GRM8: variants seen among roughly 807,000 people sequenced by gnomAD.
The protein encoded by GRM8 is glutamate metabotropic receptor 8, also known as metabotropic glutamate receptor 8.
In GRM8, 47 loss-of-function variants were observed where a neutral mutation model predicts 87.2. The ratio of observed to expected loss-of-function variants is 0.54; its 90% CI spans 0.43 to 0.69. GRM8 has a LOEUF of 0.69. Among genes scored for constraint, GRM8 ranks in the 30% least tolerant of loss-of-function variants. The pLI, the probability that GRM8 is intolerant of heterozygous loss-of-function variation, is 0.00. For missense variants in GRM8, 1,019 were observed against 1,139.2 expected (o/e 0.89, Z 1.52); for synonymous variants, 396 against 404.5 (o/e 0.98, Z 0.25).
chr7:127,232,183 T>TGTGTGTGTGTGTGTGTGTGTGTG (rs1797724452), intron 2 of GRM8, among the ~76,000 whole-genome samples: 1 of 129,754 alleles, frequency 7.7e-6, no homozygotes, highest in Non-Finnish European at 1.6e-5. Flanking sequence ...TGTTTCTTCT[T>TGTGTGTGTGTGTGTGTGTGTGTG]TGTGTGTGTG....
At chr7:127,150,371 G>A (rs1391386451) in intron 2 of GRM8, among the ~76,000 whole-genome samples, 1 of 152,072 alleles carries the variant, frequency 6.6e-6, no homozygotes, top group Non-Finnish European at 1.5e-5. Flanking sequence ...TGGAACAGGA[G>A]CACATGGACA....
intron 6 of GRM8, among the ~76,000 whole-genome samples, chr7:126,861,496 T>C (rs1040799331): frequency 6.6e-6 from 1 of 152,060 alleles, no homozygotes; most frequent in African/African-American, 2.4e-5. Flanking sequence ...TTTGACCAAT[T>C]TATTCTCCCA....
At chr7:126,953,659 A>T (rs1808382706) in intron 3 of GRM8, among the ~76,000 whole-genome samples, 2 of 152,026 alleles carry the variant, frequency 1.3e-5, no homozygotes, top group Admixed American at 1.3e-4. Context: ...TGTCAGAAGG[A>T]GAGCTATCAA....
chr7:126,673,794 G>A (rs978241851), intron 7 of GRM8, among the ~76,000 whole-genome samples: 2 of 152,118 alleles, frequency 1.3e-5, no homozygotes, highest in Non-Finnish European at 2.9e-5. Context: ...AAAAGTTAAG[G>A]AGATAGTGGG....
intron 7 of GRM8, among the ~76,000 whole-genome samples, chr7:126,768,972 T>C (rs1818537458): frequency 6.7e-6 from 1 of 150,244 alleles, no homozygotes; most frequent in African/African-American, 2.5e-5. Context: ...GAATTCTAAA[T>C]TGAAGATGAC....
At chr7:127,205,674 G>A (rs952909922) in intron 2 of GRM8, among the ~76,000 whole-genome samples, 1 of 152,114 alleles carries the variant, frequency 6.6e-6, no homozygotes. Context: ...CTATGGCAGG[G>A]TAGAGAGAGA....
intron 2 of GRM8, among the ~76,000 whole-genome samples, chr7:127,198,669 ATTTTT>A (rs113555701): frequency 6.9e-6 from 1 of 144,548 alleles, no homozygotes; most frequent in African/African-American, 2.5e-5. Flanking sequence ...ATAGAAATGA[ATTTTT>A]TTTTTTTTTA....
intron 3 of GRM8, among the ~76,000 whole-genome samples, chr7:126,915,348 C>T (rs1376178802): frequency 6.6e-6 from 1 of 152,184 alleles, no homozygotes; most frequent in Non-Finnish European, 1.5e-5. Context: ...TCAGAAAACA[C>T]CTGCTAGTTG....
chr7:126,660,516 TCTCA>T (rs1433570668), intron 7 of GRM8, among the ~76,000 whole-genome samples: 1 of 152,168 alleles, frequency 6.6e-6, no homozygotes, highest in Non-Finnish European at 1.5e-5. Flanking sequence ...ACATATTGTG[TCTCA>T]CTAATTTTAT....
intron 6 of GRM8, among the ~76,000 whole-genome samples, chr7:126,799,346 C>CA (rs1822377695): frequency 1.3e-5 from 2 of 152,022 alleles, no homozygotes; most frequent in African/African-American, 4.8e-5. Context: ...AACAAACATC[C>CA]CACGTGAGAC....
intron 2 of GRM8, among the ~76,000 whole-genome samples, chr7:127,201,640 C>T (rs1795614056): frequency 1.3e-5 from 2 of 152,086 alleles, no homozygotes; most frequent in South Asian, 2.1e-4. Context: ...GCAAAATTTT[C>T]CTAACTTTGA....
intron 8 of GRM8, among the ~76,000 whole-genome samples, chr7:126,579,579 A>G (rs1795421182): frequency 6.6e-6 from 1 of 152,176 alleles, no homozygotes; most frequent in Non-Finnish European, 1.5e-5. Context: ...CAGGCAGAAC[A>G]TGTCATCATT....
At chr7:127,044,404 G>A (rs999065299) in intron 3 of GRM8, among the ~76,000 whole-genome samples, 2 of 152,088 alleles carry the variant, frequency 1.3e-5, no homozygotes, top group Non-Finnish European at 2.9e-5. Flanking sequence ...TTAGAAAGAT[G>A]CATCTACTTT....
rs1793354410 is a variant in GRM8, at chr7:126,812,091, TAACCA to T, written c.1157-42031_1157-42027del. Among the ~76,000 whole-genome samples the T allele has an allele frequency of 2.6e-5, 4 of 152,050 alleles. No homozygotes were observed. The South Asian group carries it at 8.3e-4, about 32-fold the overall frequency. On this transcript the variant is annotated intron_variant, in intron 6 of 10. Coordinates refer to ENST00000339582, the MANE Select transcript of GRM8 (RefSeq NM_000845.3). ...TTCGCCACTATGCAATATATCCATG[TAACCA>T]AATTACACTTGTACCCCATAAATTT...
intron 3 of GRM8, among the ~76,000 whole-genome samples, chr7:126,934,027 G>T (rs1053737335): frequency 3.9e-5 from 6 of 152,088 alleles, no homozygotes; most frequent in Non-Finnish European, 7.4e-5. Context: ...TGTTCCTTTT[G>T]TATGCCCCAC....
chr7:126,471,765 T>A (rs1805280135), intron 9 of GRM8, among the ~76,000 whole-genome samples: 4 of 151,926 alleles, frequency 2.6e-5, no homozygotes, highest in Admixed American at 1.3e-4. Flanking sequence ...GCATTGAATC[T>A]ATAAATTACC....
chr7:126,907,422 G>A (rs1181725111), intron 3 of GRM8, among the ~76,000 whole-genome samples: 2 of 152,134 alleles, frequency 1.3e-5, no homozygotes, highest in South Asian at 2.1e-4. Context: ...CTGTGAGGAA[G>A]AGCAAAGGAA....
At chr7:126,759,296 T>C (rs1193316271) in intron 7 of GRM8, among the ~76,000 whole-genome samples, 2 of 152,160 alleles carry the variant, frequency 1.3e-5, no homozygotes, top group East Asian at 3.9e-4. Flanking sequence ...TCCATTATAA[T>C]TTTTGAGTAG....
intron 6 of GRM8, among the ~76,000 whole-genome samples, chr7:126,823,436 C>T (rs749238465): frequency 2.0e-4 from 31 of 152,192 alleles, no homozygotes; most frequent in Non-Finnish European, 3.8e-4. Context: ...TTAGTTGTCC[C>T]TTCAATCCAT....
Sources: gnomAD v4.1 joint callset for allele counts (sites outside exome capture counted in the v4.1 genomes callset) on GRCh38, gnomAD v4.1.1 for gene constraint, MANE v1.5 for transcripts, NCBI Gene and HGNC (gene_info 2026-07-23, HGNC 2026-07-21) for gene names.